The following NPC1 variants were observed in gnomAD, a reference collection of about 807,000 sequenced individuals.
The protein encoded by NPC1 is NPC intracellular cholesterol transporter 1, also known as Niemann-Pick C1 protein.
Under a neutral mutation model 140.4 loss-of-function variants are expected in NPC1, and 85 were observed. The observed-to-expected ratio is 0.61, with a 90% CI of 0.51 to 0.72. NPC1 has a LOEUF of 0.72. NPC1 is among the 30% of genes least tolerant of loss of function. The pLI is 0.00. For synonymous variants in NPC1, 656 were observed against 624.8 expected, an observed-to-expected ratio of 1.05 and a Z score of -0.74; for missense variants, 1,504 against 1,623.8, an observed-to-expected ratio of 0.93 and a Z score of 1.27.
chr18:23,539,523 G>C (rs2058682215), intron 18 of NPC1, 53 bp from the exon 19 acceptor site: 1 of 1,265,258 alleles, frequency 7.9e-7, no homozygotes, highest in Admixed American at 1.9e-5. Flanking sequence ...GAAGTCTTTA[G>C]TTTCAGTACT....
chr18:23,516,386 C>G, intron 3 of NPC1: 2 of 1,614,242 alleles, frequency 1.2e-6, no homozygotes, highest in Non-Finnish European at 1.7e-6. Flanking sequence ...GTCAACTAAA[C>G]CCAGCCTTTC....
At chr18:23,568,661 C>T (rs936908599) in intron 4 of NPC1, among the ~76,000 whole-genome samples, 162 bp downstream of exon 4, 6 of 152,124 alleles carry the variant, frequency 3.9e-5, no homozygotes, top group African/African-American at 1.4e-4. Context: ...ATATTCGTTG[C>T]AGTTCAAGTC....
chr18:23,584,720 G>A (rs1482145489), intron 1 of NPC1, among the ~76,000 whole-genome samples: 1 of 152,184 alleles, frequency 6.6e-6, no homozygotes, highest in Non-Finnish European at 1.5e-5. Context: ...TTAGCTGGGC[G>A]TGGTGGTGGG....
At chr18:23,569,058 G>T in intron 3 of NPC1, 60 bp from the exon 4 acceptor site, 1 of 1,150,776 alleles carries the variant, frequency 8.7e-7, no homozygotes, top group African/African-American at 1.5e-5. Flanking sequence ...CAGCAAGAAC[G>T]ATTTTAAATA....
chr18:23,527,774 G>T, downstream of NPC1: 2 of 1,598,522 alleles, frequency 1.3e-6, no homozygotes, highest in Non-Finnish European at 1.7e-6. Flanking sequence ...TGATCCGTGT[G>T]TGAACATTGT....
chr18:23,531,453 T>C lies in NPC1; in HGVS notation c.*749A>G, dbSNP rs1010716485. 1.5e-4 allele frequency: 198 copies of C among 1,326,590 alleles called. No homozygotes were observed. Among genetic ancestry groups the C allele is most frequent in the Non-Finnish European group, 1.9e-4 (188 of 1,007,320 alleles). The allele number at this position is 1,326,590 out of a possible 1,614,324, so 82.2% of individuals were successfully genotyped here. A position where few individuals can be genotyped will look rare whatever the true frequency, so the allele number is the denominator to read the frequency against. ...CAGGTTAGATAGAATCTCTTCCATTTAGCTTTTGTATTTGTCTCTCAAAGC... is the reference window on the plus strand; with the variant it reads ...CAGGTTAGATAGAATCTCTTCCATTCAGCTTTTGTATTTGTCTCTCAAAGC... On this transcript the variant is annotated 3_prime_UTR_variant, in exon 25 of 25. Transcript: ENST00000269228.
intron 10 of NPC1, 34 bp downstream of exon 10, chr18:23,551,593 T>C: frequency 6.8e-7 from 1 of 1,474,142 alleles, no homozygotes. Context: ...GATGACTTTA[T>C]CTAAAAGGAA....
intron 1 of NPC1, chr18:23,522,929 C>A (rs1218586017): frequency 6.6e-6 from 1 of 152,278 alleles, no homozygotes; most frequent in Non-Finnish European, 1.5e-5. Flanking sequence ...ATATAACCAG[C>A]ACTTTTGGGA....
chr18:23,553,702 T>A (rs952000099), intron 9 of NPC1, among the ~76,000 whole-genome samples: 1 of 152,206 alleles, frequency 6.6e-6, no homozygotes, highest in Non-Finnish European at 1.5e-5. Flanking sequence ...AGTAGGCCCA[T>A]CCGGCATCAT....
intron 11 of NPC1, among the ~76,000 whole-genome samples, chr18:23,547,074 TC>T (rs552631325): frequency 8.0e-4 from 122 of 152,256 alleles, no homozygotes; most frequent in African/African-American, 2.7e-3. Context: ...CGTCTGGGCC[TC>T]CCAAAGTGCT....
Position 23,548,576 on chromosome 18 carries a change from C to A in NPC1, c.1655-468G>T, listed in dbSNP as rs562776171. Among the ~76,000 whole-genome samples, 3 of 152,198 alleles carry A rather than the reference C, an allele frequency of 2.0e-5. No homozygotes were observed. In the East Asian group the frequency reaches 5.8e-4, roughly 29 times the overall value. On this transcript the variant is annotated intron_variant, in intron 10 of 24. Coordinates refer to ENST00000269228, the MANE Select transcript of NPC1 (RefSeq NM_000271.5). ...ACACAAACAGTAAAATACTATTCTG[C>A]ACATTACATTTTAAAATTTTGTATC...
chr18:23,537,369 G>A (rs1248505659), intron 20 of NPC1, among the ~76,000 whole-genome samples: 2 of 152,148 alleles, frequency 1.3e-5, no homozygotes, highest in East Asian at 1.9e-4. Flanking sequence ...GAGCCACTTC[G>A]CCTGGCCAGA....
chr18:23,524,643 A>G (rs758917583), downstream of NPC1, among the ~76,000 whole-genome samples: 4 of 151,494 alleles, frequency 2.6e-5, no homozygotes, highest in Non-Finnish European at 4.4e-5. Context: ...GTTTTTTACT[A>G]TATGTGCATT....
intron 3 of NPC1, among the ~76,000 whole-genome samples, chr18:23,515,460 A>G (rs891914934): frequency 3.9e-5 from 6 of 152,176 alleles, no homozygotes; most frequent in African/African-American, 1.2e-4. Flanking sequence ...TGTTCATTTC[A>G]CTTAGTGGGT....
chr18:23,513,817 G>A (rs1053714975), intron 3 of NPC1, among the ~76,000 whole-genome samples: 1 of 152,204 alleles, frequency 6.6e-6, no homozygotes, highest in Non-Finnish European at 1.5e-5. Context: ...TGGCCACTTT[G>A]TGTATCATCT....
chr18:23,552,221 C>G (rs2058882909), intron 9 of NPC1, among the ~76,000 whole-genome samples: 1 of 152,072 alleles, frequency 6.6e-6, no homozygotes, highest in South Asian at 2.1e-4. Context: ...ACTCAGGAAG[C>G]TGAGGCAGAA....
In NPC1 at chr18:23,513,948, A is replaced by G. The variant is rs573448981; in HGVS notation, c.432-7306T>C. ...CACCTTCTTAGAGATACAATTTGCA[A>G]GTATTTTCTCCGAATCCGGAGGTTG... On this transcript the variant is annotated intron_variant, in intron 3 of 3. Coordinates refer to the NPC1 transcript ENST00000591107. Among the ~76,000 whole-genome samples the G allele has an allele frequency of 2.0e-5, 3 of 152,360 alleles. No homozygotes were observed. In the East Asian group the frequency reaches 5.8e-4, roughly 29 times the overall value.
intron 9 of NPC1, 62 bp downstream of exon 9, chr18:23,554,696 C>T: frequency 7.7e-7 from 1 of 1,301,202 alleles, no homozygotes; most frequent in Non-Finnish European, 1.1e-6. Flanking sequence ...CAAGCTTTTG[C>T]CCATGTACCC....
intron 1 of NPC1, among the ~76,000 whole-genome samples, chr18:23,583,757 G>A (rs956632338): frequency 3.9e-5 from 6 of 152,102 alleles, no homozygotes; most frequent in Admixed American, 3.3e-4. Flanking sequence ...GAATACAAAG[G>A]CCTATTCAGC....
Sources: allele counts gnomAD v4.1 joint callset (sites outside exome capture counted in the v4.1 genomes callset), GRCh38; gene constraint gnomAD v4.1.1; transcripts MANE v1.5; gene names NCBI Gene and HGNC (gene_info 2026-07-23, HGNC 2026-07-21).